The following PTPRD variants were observed in gnomAD, a reference collection of about 807,000 sequenced individuals.
PTPRD encodes the protein receptor-type tyrosine-protein phosphatase delta.
Under a neutral mutation model 214.5 loss-of-function variants are expected in PTPRD, and 34 were observed. The observed-to-expected ratio is 0.16, with a 90% CI of 0.12 to 0.21. The LOEUF is 0.21. Among genes scored for constraint, PTPRD ranks in the 10% least tolerant of loss-of-function variants. PTPRD has a pLI of 1.00. For synonymous variants in PTPRD, 1,128 were observed against 845.7 expected (o/e 1.33, Z -5.79); for missense variants, 2,545 against 2,398.7 (o/e 1.06, Z -1.27).
intron 14 of PTPRD, among the ~76,000 whole-genome samples, chr9:8,557,158 C>T (rs76776640): frequency 0.019 from 2,925 of 151,990 alleles, 59 homozygotes; most frequent in Non-Finnish European, 0.032. Flanking sequence ...TTCTGTTAGC[C>T]GAGGTACAGG....
intron 44 of PTPRD, among the ~76,000 whole-genome samples, chr9:8,328,432 C>G (rs1490996076): frequency 2.0e-5 from 3 of 152,144 alleles, no homozygotes; most frequent in Non-Finnish European, 4.4e-5. Flanking sequence ...CGACATTTGT[C>G]TCTGGCTGCC....
intron 12 of PTPRD, among the ~76,000 whole-genome samples, chr9:8,707,743 T>G (rs1477329497): frequency 6.6e-6 from 1 of 152,214 alleles, no homozygotes. Context: ...TGGCCACTAC[T>G]AAAGTATAAT....
At chr9:9,027,825 T>G (rs1382482966) in intron 10 of PTPRD, among the ~76,000 whole-genome samples, 1 of 151,964 alleles carries the variant, frequency 6.6e-6, no homozygotes, top group Non-Finnish European at 1.5e-5. Context: ...TATCCTAAAT[T>G]TTTATGTTAT....
chr9:10,154,045 T>G (rs915611360), intron 3 of PTPRD, among the ~76,000 whole-genome samples: 4 of 151,910 alleles, frequency 2.6e-5, no homozygotes, highest in Admixed American at 2.0e-4. Context: ...TTTGAGAAAT[T>G]ACCACACTGC....
chr9:9,394,679 T>C lies in PTPRD; in HGVS notation c.-203+2770A>G, dbSNP rs183509074. ...TTGTTATTATCATTATCTTGTTATATTGAGCTCTATTGGTGCATAGAATAG... is the reference window on the plus strand; with the variant it reads ...TTGTTATTATCATTATCTTGTTATACTGAGCTCTATTGGTGCATAGAATAG... On this transcript the variant is annotated intron_variant, in intron 9 of 45. Transcript: ENST00000381196. Among the ~76,000 whole-genome samples, 15 of 152,250 alleles carry C rather than the reference T, an allele frequency of 9.9e-5. No individual in the cohort carries two copies. In the East Asian group the frequency reaches 2.7e-3, roughly 28 times the overall value.
At chr9:10,309,013 T>G (rs990830843) in intron 3 of PTPRD, among the ~76,000 whole-genome samples, 3 of 152,064 alleles carry the variant, frequency 2.0e-5, no homozygotes, top group African/African-American at 7.2e-5. Flanking sequence ...GATATATACT[T>G]TATTTTGATA....
At chr9:9,723,846 T>C (rs1220202810) in intron 7 of PTPRD, among the ~76,000 whole-genome samples, 2 of 152,170 alleles carry the variant, frequency 1.3e-5, no homozygotes, top group African/African-American at 4.8e-5. Context: ...CATTGGTTTG[T>C]AAAGTATTAA....
At position 9,831,769 on chromosome 9, in the gene PTPRD, T is replaced by G. The variant is rs768734334; in HGVS notation, c.-367-64918A>C. On this transcript the variant is annotated intron_variant, in intron 5 of 45. Transcript: ENST00000381196. Reference sequence around the variant, plus strand: ...AAGGAATTTTGAAAATCAGTAAATCTTTGGCTTCTAATGTTATTTCACCAA... The same window carrying G: ...AAGGAATTTTGAAAATCAGTAAATCGTTGGCTTCTAATGTTATTTCACCAA... Among the ~76,000 whole-genome samples the G allele has an allele frequency of 1.6e-4, 24 of 152,002 alleles. 1 individual carries two copies. The highest frequency in any genetic ancestry group is 4.4e-5 in the Non-Finnish European group (3 of 67,942).
chr9:9,015,509 C>T (rs1265131836), intron 11 of PTPRD, among the ~76,000 whole-genome samples: 1 of 152,158 alleles, frequency 6.6e-6, no homozygotes, highest in Non-Finnish European at 1.5e-5. Context: ...AGCATATCAT[C>T]AAGAAATAAC....
At chr9:9,215,645 C>T (rs2099951677) in intron 9 of PTPRD, among the ~76,000 whole-genome samples, 1 of 152,066 alleles carries the variant, frequency 6.6e-6, no homozygotes, top group African/African-American at 2.4e-5. Context: ...ACGAAGGGAG[C>T]AGCTCCTCAG....
chr9:10,464,243 A>G (rs1189696912), intron 2 of PTPRD, among the ~76,000 whole-genome samples: 1 of 151,958 alleles, frequency 6.6e-6, no homozygotes, highest in Non-Finnish European at 1.5e-5. Flanking sequence ...ACTAAAAAAA[A>G]ATTTTAAATG....
chr9:9,068,584 T>A (rs1425410985), intron 10 of PTPRD, among the ~76,000 whole-genome samples: 1 of 152,136 alleles, frequency 6.6e-6, no homozygotes, highest in Non-Finnish European at 1.5e-5. Context: ...GTCTTTCTCA[T>A]CTTTATCTTG....
At chr9:9,344,439 G>A (rs2048041514) in intron 9 of PTPRD, among the ~76,000 whole-genome samples, 1 of 151,908 alleles carries the variant, frequency 6.6e-6, no homozygotes, top group South Asian at 2.1e-4. Flanking sequence ...GCACATGTAT[G>A]CTTATGTGAC....
At chr9:8,671,898 T>C (rs1181145209) in intron 12 of PTPRD, among the ~76,000 whole-genome samples, 1 of 152,188 alleles carries the variant, frequency 6.6e-6, no homozygotes, top group Non-Finnish European at 1.5e-5. Context: ...ATTTCAAAGA[T>C]ATTGGAGTAA....
At chr9:10,332,369 C>G (rs2096766905) in intron 3 of PTPRD, among the ~76,000 whole-genome samples, 1 of 151,782 alleles carries the variant, frequency 6.6e-6, no homozygotes, top group Admixed American at 6.6e-5. Context: ...GCAAGGATCT[C>G]CTGCCCATAT....
chr9:10,229,134 A>G (rs1160421965), intron 3 of PTPRD, among the ~76,000 whole-genome samples: 2 of 152,088 alleles, frequency 1.3e-5, no homozygotes, highest in African/African-American at 4.8e-5. Context: ...GAGAAATGCA[A>G]ATCAAAACCA....
intron 11 of PTPRD, among the ~76,000 whole-genome samples, chr9:8,808,000 G>A (rs908786818): frequency 1.3e-5 from 2 of 152,124 alleles, no homozygotes; most frequent in African/African-American, 2.4e-5. Context: ...AACACTGCTT[G>A]GGGACATGTA....
intron 8 of PTPRD, among the ~76,000 whole-genome samples, chr9:9,564,643 A>C (rs2083881448): frequency 1.3e-5 from 2 of 151,974 alleles, no homozygotes; most frequent in African/African-American, 4.8e-5. Context: ...CCTGGGGTAC[A>C]TATGTCTTAA....
intron 8 of PTPRD, among the ~76,000 whole-genome samples, chr9:9,431,137 T>A (rs2082928296): frequency 6.6e-6 from 1 of 152,106 alleles, no homozygotes; most frequent in Admixed American, 6.5e-5. Flanking sequence ...TGGGAGAAAA[T>A]GTTTGCAATC....
Sources: allele counts gnomAD v4.1 joint callset (sites outside exome capture counted in the v4.1 genomes callset), GRCh38; gene constraint gnomAD v4.1.1; transcripts MANE v1.5; gene names NCBI Gene and HGNC (gene_info 2026-07-23, HGNC 2026-07-21).